The following CNBD1 variants were observed in gnomAD, a reference collection of about 807,000 sequenced individuals.
CNBD1 encodes cyclic nucleotide-binding domain-containing protein 1.
In CNBD1, 71 loss-of-function variants were observed where a neutral mutation model predicts 54.4. The observed-to-expected ratio is 1.30, with a 90% CI of 1.08 to 1.59. CNBD1 has a LOEUF of 1.59. Among genes scored for constraint, CNBD1 ranks in the 40% most tolerant of loss-of-function variants. CNBD1 has a pLI of 0.00. For synonymous variants in CNBD1, 182 were observed against 170.7 expected (o/e 1.07, Z -0.51); for missense variants, 659 against 518.0 (o/e 1.27, Z -2.64).
At chr8:87,357,034 C>T (rs930971208) in intron 10 of CNBD1, among the ~76,000 whole-genome samples, 2 of 152,280 alleles carry the variant, frequency 1.3e-5, no homozygotes, top group Admixed American at 6.5e-5. Flanking sequence ...AGCTATAAGC[C>T]TTTGTGGCTT....
intron 6 of CNBD1, among the ~76,000 whole-genome samples, chr8:87,254,650 G>A (rs750499220): frequency 2.6e-5 from 4 of 152,074 alleles, no homozygotes; most frequent in Non-Finnish European, 5.9e-5. Flanking sequence ...ATTCATTATT[G>A]TTTTGCAAGT....
chr8:87,279,739 TATAAC>T (rs1808557974), intron 6 of CNBD1, among the ~76,000 whole-genome samples: 1 of 151,172 alleles, frequency 6.6e-6, no homozygotes, highest in African/African-American at 2.4e-5. Context: ...TATGTATAAA[TATAAC>T]TAAATATGTG....
At chr8:87,031,904 C>A (rs1379501057) in intron 4 of CNBD1, among the ~76,000 whole-genome samples, 1 of 152,116 alleles carries the variant, frequency 6.6e-6, no homozygotes, top group African/African-American at 2.4e-5. Context: ...CCACACCCAG[C>A]TAATTTTTGT....
At chr8:86,931,519 C>T (rs1809457957) in intron 3 of CNBD1, among the ~76,000 whole-genome samples, 2 of 152,184 alleles carry the variant, frequency 1.3e-5, no homozygotes, top group Non-Finnish European at 1.5e-5. Context: ...TGATAACAAG[C>T]CCTACTAGGT....
chr8:87,387,012 C>T (rs112171850), downstream of CNBD1, among the ~76,000 whole-genome samples: 2,868 of 152,120 alleles, frequency 0.019, 92 homozygotes, highest in African/African-American at 0.062. Context: ...AACTAAGCTC[C>T]GTAAGTGAGG....
intron 8 of CNBD1, among the ~76,000 whole-genome samples, chr8:87,318,828 T>C (rs969132860): frequency 3.3e-5 from 5 of 152,048 alleles, no homozygotes; most frequent in African/African-American, 7.2e-5. Context: ...AGGATAGTCA[T>C]GGTAAGTGAT....
intron 4 of CNBD1, among the ~76,000 whole-genome samples, chr8:86,978,374 TAAATG>T (rs1410765074): frequency 6.6e-6 from 1 of 152,052 alleles, no homozygotes; most frequent in Non-Finnish European, 1.5e-5. Context: ...AAAACAAAGA[TAAATG>T]AGATAGCAGA....
chr8:87,292,496 A>G (rs748286184), intron 8 of CNBD1, among the ~76,000 whole-genome samples: 6 of 152,176 alleles, frequency 3.9e-5, no homozygotes, highest in Non-Finnish European at 7.3e-5. Context: ...AAATGGAATG[A>G]TCACTGATAA....
intron 2 of CNBD1, among the ~76,000 whole-genome samples, chr8:87,411,796 A>T (rs1807750937): frequency 6.6e-6 from 1 of 151,868 alleles, no homozygotes; most frequent in South Asian, 2.1e-4. Flanking sequence ...AATAATATTG[A>T]TATGATAAAT....
intron 4 of CNBD1, among the ~76,000 whole-genome samples, chr8:87,072,425 T>G (rs955352863): frequency 6.6e-6 from 1 of 152,180 alleles, no homozygotes; most frequent in Non-Finnish European, 1.5e-5. Flanking sequence ...TTGTTTATTG[T>G]TTTTTGTAGT....
intron 4 of CNBD1, among the ~76,000 whole-genome samples, chr8:87,162,454 A>G (rs1033199971): frequency 6.6e-6 from 1 of 152,072 alleles, no homozygotes; most frequent in Admixed American, 6.6e-5. Context: ...TAACTAGCAT[A>G]AAGTTTATTT....
chr8:87,319,116 T>A (rs1032494277), intron 8 of CNBD1, among the ~76,000 whole-genome samples: 4 of 152,082 alleles, frequency 2.6e-5, no homozygotes, highest in Non-Finnish European at 5.9e-5. Context: ...AGGAGAGAAG[T>A]GGCCCCTCAA....
rs565050451 is a variant in CNBD1 at position 86,969,857 on chromosome 8, C to A, written c.431+30103C>A. 2.7e-5 allele frequency among the ~76,000 whole-genome samples: 4 copies of A among 150,932 alleles called. No homozygotes were observed. In the East Asian group the frequency reaches 7.8e-4, roughly 29 times the overall value. ...TGTGTGTGCGTGCATGTGTATAAAT[C>A]CTAAAATCAATATCACTAGTACTTT... On this transcript the variant is annotated intron_variant, in intron 4 of 10. Transcript: ENST00000518476.
At chr8:87,398,237 A>C (rs1006541728) in intron 2 of CNBD1, among the ~76,000 whole-genome samples, 1 of 144,338 alleles carries the variant, frequency 6.9e-6, no homozygotes, top group African/African-American at 2.8e-5. Flanking sequence ...TTTTCTGGAG[A>C]TATCTAAGCA....
intron 8 of CNBD1, among the ~76,000 whole-genome samples, chr8:87,316,190 T>A (rs1396399696): frequency 6.6e-6 from 1 of 151,986 alleles, no homozygotes; most frequent in Non-Finnish European, 1.5e-5. Flanking sequence ...TATTGTTGCA[T>A]ACATAAAAAA....
chr8:87,090,264 G>A (rs1397742916), intron 4 of CNBD1, among the ~76,000 whole-genome samples: 2 of 152,114 alleles, frequency 1.3e-5, no homozygotes, highest in South Asian at 2.1e-4. Flanking sequence ...TTCCTTTGGT[G>A]ATTCTCTAAT....
At chr8:87,028,856 T>C (rs1159390193) in intron 4 of CNBD1, among the ~76,000 whole-genome samples, 3 of 152,246 alleles carry the variant, frequency 2.0e-5, no homozygotes, top group Non-Finnish European at 4.4e-5. Flanking sequence ...AAAAACTGTT[T>C]ATATACAAAA....
chr8:87,385,236 C>T (rs758969703), downstream of CNBD1, among the ~76,000 whole-genome samples: 31 of 152,020 alleles, frequency 2.0e-4, no homozygotes, highest in Admixed American at 2.0e-4. Flanking sequence ...ACTGAGCTAC[C>T]GGGTTCATCT....
intron 6 of CNBD1, among the ~76,000 whole-genome samples, chr8:87,255,972 AATATATATATATATATATATATAT>A (rs1164599078): frequency 2.4e-4 from 4 of 16,940 alleles, no homozygotes; most frequent in African/African-American, 8.5e-4. Context: ...TGCAGCTACA[AATATATATATATATATATATATAT>A]ATATATATAT....
Sources: gnomAD v4.1 joint callset for allele counts (sites outside exome capture counted in the v4.1 genomes callset) on GRCh38, gnomAD v4.1.1 for gene constraint, MANE v1.5 for transcripts, NCBI Gene and HGNC (gene_info 2026-07-23, HGNC 2026-07-21) for gene names.